Variants in CIMAP3 observed in about 807,000 individuals in gnomAD.
CIMAP3 encodes the protein ciliary microtubule associated protein 3.
chr1:111,336,051 G>A, the CIMAP3 span, among the ~76,000 whole-genome samples: 33 of 152,298 alleles, frequency 2.2e-4, no homozygotes, highest in African/African-American at 5.3e-4. Context: ...ATGAAAAACC[G>A]CTGTTCTGCA....
the CIMAP3 span, among the ~76,000 whole-genome samples, chr1:111,340,423 C>T: frequency 6.6e-6 from 1 of 151,912 alleles, no homozygotes; most frequent in Non-Finnish European, 1.5e-5. Context: ...ACAGGCAACC[C>T]ACAAAATTGG....
At chr1:111,350,027 C>G in the CIMAP3 span, 1 of 1,139,916 alleles carries the variant, frequency 8.8e-7, no homozygotes, top group Non-Finnish European at 1.3e-6. Context: ...AGGCCTAGTC[C>G]AGGGACGGCT....
chr1:111,339,933 T>A, the CIMAP3 span, among the ~76,000 whole-genome samples: 1 of 151,736 alleles, frequency 6.6e-6, no homozygotes, highest in South Asian at 2.1e-4. Context: ...GCTGGAGGCA[T>A]CACAGTACCT....
chr1:111,343,936 C>G, the CIMAP3 span, among the ~76,000 whole-genome samples: 4 of 152,128 alleles, frequency 2.6e-5, no homozygotes, highest in African/African-American at 7.2e-5. Flanking sequence ...TATTTCCTTG[C>G]TTTCTTTCGC....
chr1:111,350,375 A>T, the CIMAP3 span: 1 of 636,008 alleles, frequency 1.6e-6, no homozygotes, highest in South Asian at 2.1e-5. Flanking sequence ...TATGAATCTG[A>T]GGAACTTTTT....
the CIMAP3 span, chr1:111,347,104 G>A: frequency 2.0e-6 from 3 of 1,514,950 alleles, no homozygotes; most frequent in Non-Finnish European, 1.8e-6. Context: ...TTGAGGGATA[G>A]CCAAGTTTCC....
the CIMAP3 span, chr1:111,346,573 G>T: frequency 1.0e-5 from 16 of 1,602,274 alleles, no homozygotes; most frequent in Non-Finnish European, 1.4e-5. Context: ...CCCTCCCCGC[G>T]CTCCGCAGCT....
the CIMAP3 span, chr1:111,352,860 A>C: frequency 6.6e-6 from 1 of 152,204 alleles, no homozygotes; most frequent in Non-Finnish European, 1.5e-5. Flanking sequence ...TGTTTGGTAC[A>C]GAGACGCTCA....
the CIMAP3 span, chr1:111,349,554 G>A: frequency 6.6e-6 from 1 of 152,414 alleles, no homozygotes; most frequent in African/African-American, 2.4e-5. Flanking sequence ...GTTGCATTAA[G>A]GAAGTAGAAG....
chr1:111,352,179 T>C, the CIMAP3 span: 1 of 152,300 alleles, frequency 6.6e-6, no homozygotes, highest in East Asian at 1.9e-4. Flanking sequence ...GCCTGAGAGA[T>C]AGACCCCTTT....
At chr1:111,335,614 C>G in the CIMAP3 span, among the ~76,000 whole-genome samples, 1 of 152,234 alleles carries the variant, frequency 6.6e-6, no homozygotes, top group East Asian at 1.9e-4. Context: ...AGCAGTCTGA[C>G]ATCAAACTGC....
the CIMAP3 span, among the ~76,000 whole-genome samples, chr1:111,337,940 T>C: frequency 6.7e-6 from 1 of 150,096 alleles, no homozygotes; most frequent in Non-Finnish European, 1.5e-5. Flanking sequence ...GACCACATAG[T>C]TGGAAGTAAA....
At chr1:111,347,049 TGTGA>T in the CIMAP3 span, 1 of 1,610,484 alleles carries the variant, frequency 6.2e-7, no homozygotes, top group Non-Finnish European at 8.5e-7. Context: ...ATTTTTCAGA[TGTGA>T]GTATTCACCT....
At chr1:111,336,286 C>A in the CIMAP3 span, among the ~76,000 whole-genome samples, 2 of 152,176 alleles carry the variant, frequency 1.3e-5, no homozygotes, top group Non-Finnish European at 2.9e-5. Flanking sequence ...CTCTAAAAAA[C>A]GGAGCACCTC....
chr1:111,333,783 T>C, the CIMAP3 span, among the ~76,000 whole-genome samples: 2 of 152,210 alleles, frequency 1.3e-5, no homozygotes, highest in Non-Finnish European at 2.9e-5. Flanking sequence ...AAATCTTAGC[T>C]GTTTATTTAT....
the CIMAP3 span, chr1:111,348,599 C>G: frequency 6.2e-7 from 1 of 1,612,798 alleles, no homozygotes; most frequent in Non-Finnish European, 8.5e-7. Context: ...CATTTAATGT[C>G]TTGGTGCCTC....
At chr1:111,346,501 T>G in the CIMAP3 span, 1 of 1,182,228 alleles carries the variant, frequency 8.5e-7, no homozygotes, top group Non-Finnish European at 1.2e-6. Flanking sequence ...TGCGGGTTCC[T>G]GCCCCAGTAG....
chr1:111,333,555 T>C, the CIMAP3 span, among the ~76,000 whole-genome samples: 1 of 152,210 alleles, frequency 6.6e-6, no homozygotes, highest in South Asian at 2.1e-4. Context: ...TCTCCTGTTG[T>C]AAGCACTGTA....
At chr1:111,347,946 A>G in the CIMAP3 span, among the ~76,000 whole-genome samples, 1,653 of 152,344 alleles carry the variant, frequency 0.011, 24 homozygotes, top group Non-Finnish European at 0.017. Flanking sequence ...GGGCATTAAC[A>G]TTGCAAATAT....
Sources: allele counts gnomAD v4.1 joint callset (sites outside exome capture counted in the v4.1 genomes callset), GRCh38; gene constraint gnomAD v4.1.1; transcripts MANE v1.5; gene names NCBI Gene and HGNC (gene_info 2026-07-23, HGNC 2026-07-21).